The following ADAMTS17 variants were observed in gnomAD, a reference collection of about 807,000 sequenced individuals.
ADAMTS17 encodes the protein ADAM metallopeptidase with thrombospondin type 1 motif 17.
A neutral mutation model predicts 141.5 loss-of-function variants in ADAMTS17; 113 were observed. That is an observed-to-expected ratio of 0.80 (90% CI 0.69 to 0.93). The LOEUF is 0.93. ADAMTS17 is among the 40% of genes least tolerant of loss of function. The pLI is 0.00. For missense variants in ADAMTS17, 1,659 were observed against 1,517.9 expected, an observed-to-expected ratio of 1.09 and a Z score of -1.54; for synonymous variants, 768 against 630.6, an observed-to-expected ratio of 1.22 and a Z score of -3.27.
chr15:100,330,197 T>TA (rs1199072948), intron 3 of ADAMTS17, among the ~76,000 whole-genome samples: 3 of 152,144 alleles, frequency 2.0e-5, no homozygotes, highest in Non-Finnish European at 4.4e-5. Context: ...CACTGCATCT[T>TA]AAAATCACTT....
Position 99,976,127 on chromosome 15 carries a change from CGA to C in ADAMTS17, c.3043_3044del (p.Ser1015GlufsTer123). Reference sequence around the variant, plus strand: ...AGCACTGTCTGTAGGGGGCAGGCTTCGAGAGGGCGGGGCACTCGCTGCCGTGG... The same window carrying C: ...AGCACTGTCTGTAGGGGGCAGGCTTCGAGGGCGGGGCACTCGCTGCCGTGG... ...GRHGSECPAL[S>X]KPAPYRQCYQ... is the part of the protein sequence containing the mutation. On this transcript the variant is annotated frameshift_variant, in exon 21 of 22. Coordinates refer to ENST00000268070, the MANE Select transcript of ADAMTS17 (RefSeq NM_139057.4). LOFTEE classifies it high-confidence loss of function. 1 of 1,551,250 alleles carries C rather than the reference CGA, an allele frequency of 6.4e-7. No homozygotes were observed. Among genetic ancestry groups the C allele is most frequent in the Non-Finnish European group, 8.7e-7 (1 of 1,146,946 alleles).
chr15:100,005,405 T>C (rs1387676521), intron 18 of ADAMTS17, among the ~76,000 whole-genome samples: 1 of 152,302 alleles, frequency 6.6e-6, no homozygotes, highest in East Asian at 1.9e-4. Context: ...GGGAAGAATC[T>C]GTCTCCTGCC....
intron 13 of ADAMTS17, among the ~76,000 whole-genome samples, chr15:100,109,475 A>T (rs2036612640): frequency 7.6e-6 from 1 of 131,486 alleles, no homozygotes; most frequent in African/African-American, 2.8e-5. Flanking sequence ...TCTTATAGCG[A>T]GGGTGTGAAG....
At position 100,281,320 on chromosome 15, in the gene ADAMTS17, G is replaced by A. The variant is rs545485140; in HGVS notation, c.698C>T (p.Thr233Met). 1.4e-5 allele frequency: 22 copies of A among 1,610,102 alleles called. No homozygotes were observed. The highest frequency in any genetic ancestry group is 5.0e-5 in the Admixed American group (3 of 60,000). ...GTCGGCCACCACCAGGGTCTCCACC[G>A]TGTGCTCGCTGGTGAGCCGGATAGC... ...RNAIRLTSEH[T>M]VETLVVADAD... The change falls in exon 4 of 22, where the codon ACG becomes ATG. Residue 233 changes from threonine to methionine, a missense_variant. Physicochemically the swap from Thr to Met is moderately conservative, Grantham distance 81. Coordinates refer to ENST00000268070, the MANE Select transcript of ADAMTS17 (RefSeq NM_139057.4).
chr15:100,210,688 A>C (rs8033111), intron 7 of ADAMTS17, among the ~76,000 whole-genome samples: 1 of 152,166 alleles, frequency 6.6e-6, no homozygotes, highest in African/African-American at 2.4e-5. Context: ...AGAGCTAGTC[A>C]GGCGCAGTGG....
intron 13 of ADAMTS17, among the ~76,000 whole-genome samples, chr15:100,110,218 T>C (rs1011147678): frequency 2.3e-5 from 3 of 130,758 alleles, no homozygotes; most frequent in Admixed American, 7.9e-5. Context: ...TATATATATA[T>C]TTTTATATAT....
At chr15:100,147,338 C>T (rs551902795) in intron 10 of ADAMTS17, among the ~76,000 whole-genome samples, 7 of 152,310 alleles carry the variant, frequency 4.6e-5, no homozygotes, top group East Asian at 3.9e-4. Flanking sequence ...AATGGGAATA[C>T]GTTCTGAGAA....
intron 3 of ADAMTS17, among the ~76,000 whole-genome samples, chr15:100,330,637 T>C (rs1419798128): frequency 6.6e-6 from 1 of 152,146 alleles, no homozygotes; most frequent in Non-Finnish European, 1.5e-5. Flanking sequence ...TTGCTCTTGA[T>C]ATATAAAATT....
chr15:100,317,212 G>C (rs1380442953), intron 3 of ADAMTS17, among the ~76,000 whole-genome samples: 1 of 152,152 alleles, frequency 6.6e-6, no homozygotes, highest in Non-Finnish European at 1.5e-5. Flanking sequence ...TAAAGACATA[G>C]TTCATATCAA....
chr15:100,044,751 A>C (rs2031542541), intron 18 of ADAMTS17, among the ~76,000 whole-genome samples: 1 of 152,128 alleles, frequency 6.6e-6, no homozygotes, highest in South Asian at 2.1e-4. Context: ...ATGATACACT[A>C]ATCAACAGCA....
At chr15:100,052,023 A>T (rs2032188936) in intron 16 of ADAMTS17, among the ~76,000 whole-genome samples, 3 of 152,148 alleles carry the variant, frequency 2.0e-5, no homozygotes, top group Non-Finnish European at 2.9e-5. Context: ...TGACTCTGAA[A>T]CCTCTCACTG....
intron 7 of ADAMTS17, among the ~76,000 whole-genome samples, chr15:100,230,633 G>A (rs116650508): frequency 1.3e-5 from 2 of 152,318 alleles, no homozygotes; most frequent in South Asian, 2.1e-4. Context: ...GGTTGAGATG[G>A]GAGTGACTGG....
Position 100,180,661 on chromosome 15 carries a change from C to T in ADAMTS17, c.1181+18657G>A, listed in dbSNP as rs142746389. On this transcript the variant is annotated intron_variant, in intron 8 of 21. Transcript: ENST00000268070. ...CTTACAATTCATGAACGCTGAATAT[C>T]TTTCCATTTTTTTTGAGTCCCCTTC... 4.8e-3 allele frequency among the ~76,000 whole-genome samples: 733 copies of T among 152,238 alleles called. 9 individuals are homozygous for T. The highest frequency in any genetic ancestry group is 0.017 in the African/African-American group (692 of 41,538).
In ADAMTS17 at chr15:100,131,988, G is replaced by C; in HGVS notation, c.1721+19C>G. 1 of 1,614,232 alleles carries C rather than the reference G, an allele frequency of 6.2e-7. No individual in the cohort carries two copies. Among genetic ancestry groups the C allele is most frequent in the Non-Finnish European group, 8.5e-7 (1 of 1,180,044 alleles). ...CTCCAATCGTGGCACGTTGGGGTATGGCTGGTCAGGGGACTTACGGGGGGT... is the reference window on the plus strand; with the variant it reads ...CTCCAATCGTGGCACGTTGGGGTATCGCTGGTCAGGGGACTTACGGGGGGT... On this transcript the variant is annotated intron_variant, in intron 12 of 21. Transcript: ENST00000268070.
intron 20 of ADAMTS17, among the ~76,000 whole-genome samples, chr15:99,986,717 TG>T (rs2060594297): frequency 6.6e-6 from 1 of 152,216 alleles, no homozygotes; most frequent in African/African-American, 2.4e-5. Flanking sequence ...ATCATTTCAG[TG>T]GTGATTAATG....
intron 15 of ADAMTS17, among the ~76,000 whole-genome samples, chr15:100,059,396 CG>C (rs2032932147): frequency 6.6e-6 from 1 of 151,960 alleles, no homozygotes; most frequent in Admixed American, 6.5e-5. Context: ...GTGTATCTCC[CG>C]GGGAGAGGAA....
chr15:100,206,371 C>T (rs560760245), intron 7 of ADAMTS17, among the ~76,000 whole-genome samples: 1 of 152,198 alleles, frequency 6.6e-6, no homozygotes, highest in Non-Finnish European at 1.5e-5. Flanking sequence ...GGACACCCCT[C>T]CCCTTACTGG....
At chr15:100,184,488 T>C (rs2040634726) in intron 8 of ADAMTS17, among the ~76,000 whole-genome samples, 1 of 152,208 alleles carries the variant, frequency 6.6e-6, no homozygotes, top group Middle Eastern at 3.2e-3. Context: ...TTAGAGAAGG[T>C]TACCTTTACG....
At chr15:100,258,554 G>A (rs1322702674) in intron 6 of ADAMTS17, among the ~76,000 whole-genome samples, 1 of 152,164 alleles carries the variant, frequency 6.6e-6, no homozygotes, top group Non-Finnish European at 1.5e-5. Context: ...GCAGCAGGCA[G>A]GGGAAGAGAG....
Sources: allele counts gnomAD v4.1 joint callset (sites outside exome capture counted in the v4.1 genomes callset), GRCh38; gene constraint gnomAD v4.1.1; transcripts MANE v1.5; gene names NCBI Gene and HGNC (gene_info 2026-07-23, HGNC 2026-07-21).